The following USH2A variants were observed in gnomAD, a reference collection of about 807,000 sequenced individuals.
USH2A encodes Usher syndrome 2A (autosomal recessive, mild).
USH2A carries 443 observed loss-of-function variants against 538.9 expected under a neutral mutation model. That is an observed-to-expected ratio of 0.82 (90% confidence interval 0.76 to 0.89). The LOEUF is 0.89. Among genes scored for constraint, USH2A ranks in the 40% least tolerant of loss-of-function variants. The probability of loss-of-function intolerance (pLI) is 0.00; values close to 1 mark genes in which losing one functional copy is unlikely to be tolerated. For synonymous variants in USH2A, 2,413 were observed against 2,273.5 expected (o/e 1.06, Z -1.75); for missense variants, 6,633 against 6,324.8 (o/e 1.05, Z -1.65).
chr1:215,828,716 A>G (rs544223305), intron 47 of USH2A, among the ~76,000 whole-genome samples: 68 of 152,308 alleles, frequency 4.5e-4, no homozygotes, highest in African/African-American at 1.6e-3. Flanking sequence ...CCAATTAAAG[A>G]CATTAAAAGA....
At chr1:215,863,999 C>G (rs926696805) in intron 44 of USH2A, among the ~76,000 whole-genome samples, 2 of 152,128 alleles carry the variant, frequency 1.3e-5, no homozygotes, top group Non-Finnish European at 2.9e-5. Context: ...ATTGCCCTCT[C>G]ACTCCCTCCA....
At chr1:215,895,424 G>A (rs994384956) in intron 40 of USH2A, among the ~76,000 whole-genome samples, 4 of 152,184 alleles carry the variant, frequency 2.6e-5, no homozygotes, top group African/African-American at 9.7e-5. Flanking sequence ...CTTCACAGAG[G>A]AAGTGACACT....
chr1:216,228,773 C>T (rs2035615686), intron 14 of USH2A, among the ~76,000 whole-genome samples: 1 of 152,124 alleles, frequency 6.6e-6, no homozygotes, highest in Non-Finnish European at 1.5e-5. Flanking sequence ...CGACCATTTC[C>T]AAGGACAATT....
intron 60 of USH2A, among the ~76,000 whole-genome samples, chr1:215,736,038 A>T (rs1162354999): frequency 6.6e-6 from 1 of 152,156 alleles, no homozygotes; most frequent in Non-Finnish European, 1.5e-5. Context: ...GCCTAAGGTC[A>T]TATAACTAGT....
At chr1:215,796,827 G>A (rs927277473) in intron 50 of USH2A, among the ~76,000 whole-genome samples, 2 of 142,018 alleles carry the variant, frequency 1.4e-5, no homozygotes, top group Non-Finnish European at 3.1e-5. Context: ...TGCATGCAAA[G>A]GAACAGTTCT....
intron 21 of USH2A, among the ~76,000 whole-genome samples, chr1:216,110,303 G>T (rs1261774140): frequency 6.6e-6 from 1 of 151,996 alleles, no homozygotes; most frequent in Non-Finnish European, 1.5e-5. Context: ...GTACAGCCTG[G>T]GCAAGATAGT....
intron 44 of USH2A, among the ~76,000 whole-genome samples, chr1:215,862,449 G>A (rs1040169185): frequency 1.3e-5 from 2 of 152,166 alleles, no homozygotes; most frequent in Non-Finnish European, 2.9e-5. Context: ...AGCATTAGGA[G>A]ATATACCTAA....
intron 37 of USH2A, among the ~76,000 whole-genome samples, chr1:215,963,634 G>A (rs1383249948): frequency 6.6e-6 from 1 of 152,078 alleles, no homozygotes; most frequent in Non-Finnish European, 1.5e-5. Flanking sequence ...GGTTTTCGTT[G>A]CTGAAGAATA....
intron 30 of USH2A, among the ~76,000 whole-genome samples, chr1:216,064,532 A>G (rs537819502): frequency 3.1e-4 from 47 of 151,628 alleles, no homozygotes; most frequent in African/African-American, 1.1e-3. Context: ...CATCAAACTT[A>G]TAAGAAAACA....
chr1:215,734,135 T>A (rs547760068), intron 60 of USH2A, among the ~76,000 whole-genome samples: 11 of 152,336 alleles, frequency 7.2e-5, no homozygotes, highest in Admixed American at 7.2e-4. Flanking sequence ...AGGGGGAAGC[T>A]GCCAAGCCTC....
At chr1:216,267,463 T>C (rs766185807) in intron 11 of USH2A, among the ~76,000 whole-genome samples, 4 of 151,864 alleles carry the variant, frequency 2.6e-5, no homozygotes, top group African/African-American at 7.3e-5. Flanking sequence ...ACAGAAGAAA[T>C]TGTGATCAAG....
chr1:215,813,702 A>G, intron 49 of USH2A, 34 bp downstream of exon 49: 1 of 1,613,432 alleles, frequency 6.2e-7, no homozygotes, highest in Non-Finnish European at 8.5e-7. Context: ...TCAGGTTCCC[A>G]TAGTTTTTGA....
At chr1:215,774,390 G>A (rs1453616725) in intron 55 of USH2A, among the ~76,000 whole-genome samples, 1 of 151,080 alleles carries the variant, frequency 6.6e-6, no homozygotes, top group East Asian at 2.0e-4. Context: ...CTATTATTTA[G>A]ACACCACCAA....
chr1:216,210,955 G>C (rs2035227996), intron 15 of USH2A, among the ~76,000 whole-genome samples: 1 of 150,334 alleles, frequency 6.7e-6, no homozygotes, highest in Non-Finnish European at 1.5e-5. Context: ...TTCCAGCCTG[G>C]CGACAGAGCG....
chr1:216,209,291 G>A (rs2035185523), intron 15 of USH2A, among the ~76,000 whole-genome samples: 1 of 152,158 alleles, frequency 6.6e-6, no homozygotes, highest in Non-Finnish European at 1.5e-5. Context: ...CAGGGAGCGG[G>A]GAATTAAATA....
intron 27 of USH2A, among the ~76,000 whole-genome samples, chr1:216,075,857 T>TA (rs57104827): frequency 0.51 from 75,524 of 149,030 alleles, 19,437 homozygotes; most frequent in East Asian, 0.81. Flanking sequence ...GTTAGTAGAT[T>TA]AAAAAAAAAA....
chr1:216,321,607 G>T lies in USH2A; in HGVS notation c.1644+276C>A, dbSNP rs531526009. ...AAATTGTTTTATAAAACATGATAATGCTGATGAAACAAAGAAAGAAAAACA... is the reference window on the plus strand; with the variant it reads ...AAATTGTTTTATAAAACATGATAATTCTGATGAAACAAAGAAAGAAAAACA... On this transcript the variant is annotated intron_variant, in intron 9 of 71. Transcript: ENST00000307340. 1.7e-4 allele frequency among the ~76,000 whole-genome samples: 26 copies of T among 152,158 alleles called. No homozygotes were observed. In the South Asian group the frequency reaches 2.1e-3, roughly 12 times the overall value.
chr1:216,334,247 T>C (rs2037927500), intron 4 of USH2A, among the ~76,000 whole-genome samples: 1 of 151,998 alleles, frequency 6.6e-6, no homozygotes. Context: ...AAATTTTGCA[T>C]ACTCTTAAAA....
intron 14 of USH2A, among the ~76,000 whole-genome samples, chr1:216,222,255 C>T (rs1378516219): frequency 6.6e-6 from 1 of 152,084 alleles, no homozygotes; most frequent in Non-Finnish European, 1.5e-5. Flanking sequence ...CTTTGCAGGC[C>T]ATATGAGCTC....
Sources: gnomAD v4.1 joint callset for allele counts (sites outside exome capture counted in the v4.1 genomes callset) on GRCh38, gnomAD v4.1.1 for gene constraint, MANE v1.5 for transcripts, NCBI Gene and HGNC (gene_info 2026-07-23, HGNC 2026-07-21) for gene names.